The following PTPRK variants were observed in gnomAD, a reference collection of about 807,000 sequenced individuals.
The protein encoded by PTPRK is receptor-type tyrosine-protein phosphatase kappa.
In PTPRK, 75 loss-of-function variants were observed where a neutral mutation model predicts 178.0. The ratio of observed to expected loss-of-function variants is 0.42; its 90% CI spans 0.35 to 0.51. The LOEUF is 0.51. Ranked by LOEUF, PTPRK falls within the 20% of genes least tolerant of loss-of-function variation. The pLI is 0.02. For synonymous variants in PTPRK, 637 were observed against 620.6 expected (o/e 1.03, Z -0.39); for missense variants, 1,441 against 1,797.8 (o/e 0.80, Z 3.59).
intron 7 of PTPRK, among the ~76,000 whole-genome samples, chr6:128,098,347 T>G (rs1788237031): frequency 6.6e-6 from 1 of 152,096 alleles, no homozygotes; most frequent in Admixed American, 6.5e-5. Context: ...GTGACTTGTT[T>G]TGGTCAGCAG....
intron 7 of PTPRK, among the ~76,000 whole-genome samples, chr6:128,139,480 G>A (rs1583185243): frequency 6.6e-6 from 1 of 151,964 alleles, no homozygotes; most frequent in East Asian, 1.9e-4. Context: ...ACCCTACTGA[G>A]AACCTAGATA....
chr6:128,208,831 A>G (rs1807509602), intron 6 of PTPRK, among the ~76,000 whole-genome samples: 1 of 152,122 alleles, frequency 6.6e-6, no homozygotes. Flanking sequence ...CACATTCCTA[A>G]AGATTTTAAA....
intron 13 of PTPRK, among the ~76,000 whole-genome samples, chr6:128,044,555 T>C (rs1777726458): frequency 6.6e-6 from 1 of 152,020 alleles, no homozygotes; most frequent in Admixed American, 6.6e-5. Flanking sequence ...TTTCTATTCC[T>C]TGAATATCTA....
At chr6:127,971,154 A>G (rs1773856796) in intron 29 of PTPRK, among the ~76,000 whole-genome samples, 1 of 152,224 alleles carries the variant, frequency 6.6e-6, no homozygotes, top group Non-Finnish European at 1.5e-5. Flanking sequence ...TATTGGCAAT[A>G]AAATTTTTGA....
chr6:128,407,299 T>C (rs1358782841), intron 1 of PTPRK, among the ~76,000 whole-genome samples: 1 of 152,132 alleles, frequency 6.6e-6, no homozygotes, highest in African/African-American at 2.4e-5. Context: ...GAACAGTACA[T>C]ATGAGAAGAT....
chr6:128,193,856 G>T (rs1032927812), intron 6 of PTPRK, among the ~76,000 whole-genome samples: 1 of 151,900 alleles, frequency 6.6e-6, no homozygotes, highest in South Asian at 2.1e-4. Context: ...TTAGATGTCA[G>T]CAGAAACTAA....
At chr6:128,065,931 A>C (rs1054965440) in intron 12 of PTPRK, among the ~76,000 whole-genome samples, 1 of 152,224 alleles carries the variant, frequency 6.6e-6, no homozygotes, top group African/African-American at 2.4e-5. Flanking sequence ...ATAACTGTGA[A>C]ATATATTGTT....
At position 127,973,672 on chromosome 6, in the gene PTPRK, G is replaced by T. The variant is rs1437992225; in HGVS notation, c.4125C>A (p.Ile1375=). ...ECEEGEGRTI[I]HCLNGGGRSG... ...TGAGCTGCCCTACTCACAGGCAGTG[G>T]ATAATCGTCCGGCCTTCCCCTTCCT... The change falls in exon 28 of 30, where the codon ATC becomes ATA. Residue 1375 remains isoleucine, a synonymous_variant. Transcript: ENST00000368226. 1 of 1,613,532 alleles carries T rather than the reference G, an allele frequency of 6.2e-7. No homozygotes were observed. The highest frequency in any genetic ancestry group is 1.7e-5 in the Admixed American group (1 of 59,994).
At chr6:128,281,061 T>A (rs1562197879) in intron 3 of PTPRK, among the ~76,000 whole-genome samples, 3 of 152,174 alleles carry the variant, frequency 2.0e-5, no homozygotes, top group Admixed American at 2.0e-4. Context: ...TTTGCAAACA[T>A]TGGGTCATAT....
At chr6:128,056,429 CTT>C (rs1000039582) in intron 13 of PTPRK, among the ~76,000 whole-genome samples, 18 of 143,690 alleles carry the variant, frequency 1.3e-4, no homozygotes, top group African/African-American at 2.3e-4. Flanking sequence ...ATATGCTTTT[CTT>C]TTTTTTTTTT....
chr6:128,126,114 T>A (rs1793328419), intron 7 of PTPRK, among the ~76,000 whole-genome samples: 1 of 151,880 alleles, frequency 6.6e-6, no homozygotes, highest in African/African-American at 2.4e-5. Context: ...GTTTGTTACA[T>A]AGGTATACAT....
chr6:128,474,391 A>G (rs1851112896), intron 1 of PTPRK, among the ~76,000 whole-genome samples: 1 of 152,064 alleles, frequency 6.6e-6, no homozygotes, highest in African/African-American at 2.4e-5. Flanking sequence ...CAATGGAAAA[A>G]AAAAATGATC....
chr6:128,253,942 A>G (rs1195078527), intron 3 of PTPRK, among the ~76,000 whole-genome samples: 1 of 152,176 alleles, frequency 6.6e-6, no homozygotes, highest in Non-Finnish European at 1.5e-5. Context: ...CTACATACAG[A>G]CAAAGTTCAG....
At chr6:128,362,901 G>A (rs1331450163) in intron 2 of PTPRK, among the ~76,000 whole-genome samples, 1 of 152,114 alleles carries the variant, frequency 6.6e-6, no homozygotes, top group African/African-American at 2.4e-5. Context: ...ATGTCTATGT[G>A]CCAATGACAC....
chr6:128,444,434 T>C (rs927850913), intron 1 of PTPRK, among the ~76,000 whole-genome samples: 2 of 152,194 alleles, frequency 1.3e-5, no homozygotes, highest in South Asian at 2.1e-4. Flanking sequence ...TTCCATTCAC[T>C]GACTCCCAAC....
intron 3 of PTPRK, among the ~76,000 whole-genome samples, chr6:128,248,643 A>G (rs1815911479): frequency 6.6e-6 from 1 of 152,176 alleles, no homozygotes; most frequent in South Asian, 2.1e-4. Context: ...CATTGAGATC[A>G]GAAGTGCCCA....
chr6:128,362,553 A>G (rs1834923060), intron 2 of PTPRK, among the ~76,000 whole-genome samples: 1 of 152,222 alleles, frequency 6.6e-6, no homozygotes, highest in African/African-American at 2.4e-5. Context: ...ATGCTCTTAA[A>G]GTGATTTATA....
intron 3 of PTPRK, among the ~76,000 whole-genome samples, chr6:128,262,979 T>C (rs1005619451): frequency 1.3e-5 from 2 of 151,966 alleles, no homozygotes; most frequent in African/African-American, 2.4e-5. Context: ...GTCTTTCACC[T>C]TCATACACCC....
intron 7 of PTPRK, among the ~76,000 whole-genome samples, chr6:128,151,218 A>G (rs920331868): frequency 3.4e-4 from 51 of 152,156 alleles, no homozygotes; most frequent in African/African-American, 1.2e-3. Context: ...ACCCCATTTT[A>G]TGGATTTCAG....
Sources: allele counts gnomAD v4.1 joint callset (sites outside exome capture counted in the v4.1 genomes callset), GRCh38; gene constraint gnomAD v4.1.1; transcripts MANE v1.5; gene names NCBI Gene and HGNC (gene_info 2026-07-23, HGNC 2026-07-21).